ELP6: variants seen among roughly 807,000 people sequenced by gnomAD.
ELP6 encodes the protein elongator acetyltransferase complex subunit 6.
A neutral mutation model predicts 28.1 loss-of-function variants in ELP6; 23 were observed. The observed-to-expected ratio is 0.82, with a 90% CI of 0.59 to 1.16. ELP6 has a LOEUF of 1.16. ELP6 is among the 50% of genes most tolerant of loss of function. ELP6 has a pLI of 0.00. For synonymous variants in ELP6, 132 were observed against 135.8 expected (o/e 0.97, Z 0.19); for missense variants, 313 against 334.6 (o/e 0.94, Z 0.50).
intron 3 of ELP6, among the ~76,000 whole-genome samples, chr3:47,505,444 G>A (rs1331356012): frequency 2.0e-5 from 3 of 151,538 alleles, no homozygotes; most frequent in African/African-American, 7.3e-5. Flanking sequence ...TCACTCTATT[G>A]CCTAGGCTGG....
intron 1 of ELP6, chr3:47,512,978 T>C (rs1030880567): frequency 1.2e-5 from 12 of 980,286 alleles, no homozygotes; most frequent in African/African-American, 1.8e-5. Flanking sequence ...CTGTCGGCCA[T>C]GCTTCCCAGG....
At chr3:47,504,631 C>T in intron 3 of ELP6, 183 bp from the exon 4 acceptor site, 1 of 985,354 alleles carries the variant, frequency 1.0e-6, no homozygotes, top group Non-Finnish European at 1.2e-6. Context: ...CAACTGTTTT[C>T]AGATGTGTAT....
chr3:47,501,944 C>T, intron 4 of ELP6, 93 bp from the exon 5 acceptor site: 1 of 1,176,442 alleles, frequency 8.5e-7, no homozygotes, highest in Non-Finnish European at 1.2e-6. Context: ...CTAAGGGGGA[C>T]AAAGAACTGT....
At chr3:47,502,694 G>T in intron 4 of ELP6, 1 of 311,582 alleles carries the variant, frequency 3.2e-6, no homozygotes, top group Non-Finnish European at 4.7e-6. Flanking sequence ...TTTTAAATTA[G>T]CCAGGCATGG....
At chr3:47,513,017 G>C in intron 1 of ELP6, 1 of 979,076 alleles carries the variant, frequency 1.0e-6, no homozygotes, top group Non-Finnish European at 1.2e-6. Context: ...TTGAGGTGGA[G>C]TCCCGCTCTG....
In ELP6 at chr3:47,495,801, C is replaced by T; in HGVS notation, c.*268G>A. 2.4e-6 allele frequency: 1 copy of T among 418,040 alleles called. No individual in the cohort carries two copies. Among genetic ancestry groups the T allele is most frequent in the South Asian group, 2.7e-5 (1 of 37,318 alleles). 25.9% of individuals were successfully genotyped at this position (418,040 alleles called of 1,614,324 possible). A position where few individuals can be genotyped will look rare whatever the true frequency, so the allele number is the denominator to read the frequency against. The stretch of plus-strand genomic sequence containing the variant: ...CAGCTGGGGCTAAGGCATATTTAAA[C>T]AAAGGCTCCAAAGGACCCCTTTCAC... On this transcript the variant is annotated 3_prime_UTR_variant, in exon 7 of 7. Transcript: ENST00000296149.
chr3:47,500,102 C>G, intron 5 of ELP6: 1 of 1,202,328 alleles, frequency 8.3e-7, no homozygotes, highest in Non-Finnish European at 1.1e-6. Flanking sequence ...AAAGGAGGGA[C>G]TGGCATCTGC....
chr3:47,499,809 T>C, intron 5 of ELP6: 3 of 1,119,752 alleles, frequency 2.7e-6, no homozygotes, highest in Non-Finnish European at 3.3e-6. Context: ...CTGTCCCTGC[T>C]GGGCTGTGGC....
At chr3:47,509,421 A>AT (rs1708946957) in intron 3 of ELP6, among the ~76,000 whole-genome samples, 1 of 152,192 alleles carries the variant, frequency 6.6e-6, no homozygotes, top group Non-Finnish European at 1.5e-5. Context: ...CTAGGTCAAG[A>AT]AGTTCATCGG....
rs1300199149 is a variant in ELP6, at chr3:47,501,669, G to A, written c.506C>T (p.Thr169Ile). 6.2e-7 allele frequency: 1 copy of A among 1,613,980 alleles called. No homozygotes were observed. The highest frequency in any genetic ancestry group is 1.3e-5 in the African/African-American group (1 of 74,978). The change falls in exon 5 of 7, where the codon ACC becomes ATC. Residue 169 changes from threonine (T) to isoleucine (I), a missense_variant. Coordinates refer to ENST00000296149, the MANE Select transcript of ELP6 (RefSeq NM_001031703.3). ...GAGTACCTTTAGTTCCCAGCACACG[G>A]TGGCTCTGCAGTAGTGAATGAAGTC... The part of the protein sequence containing the change: ...VLDFIHYCRA[T>I]VCWELKGNMV...
Position 47,501,871 on chromosome 3 carries a change from G to C in ELP6, c.324-20C>G. On this transcript the variant is annotated intron_variant, in intron 4 of 6. Transcript: ENST00000296149. Reference sequence around the variant, plus strand: ...GCCTCCCTGGAGAGACAGGACAAAAGTTACCAGACTTCACTCTCTCTACAG... The same window carrying C: ...GCCTCCCTGGAGAGACAGGACAAAACTTACCAGACTTCACTCTCTCTACAG... The C allele has an allele frequency of 6.2e-7, 1 of 1,604,122 alleles. No homozygotes were observed. Among genetic ancestry groups the C allele is most frequent in the Non-Finnish European group, 8.5e-7 (1 of 1,174,938 alleles).
intron 6 of ELP6, chr3:47,496,656 G>A: frequency 1.5e-6 from 1 of 653,080 alleles, no homozygotes. Context: ...CACCATGCCT[G>A]GGCAATTTTT....
chr3:47,501,550 C>T (rs1708650375), intron 5 of ELP6, 100 bp downstream of exon 5: 4 of 1,293,842 alleles, frequency 3.1e-6, no homozygotes, highest in Admixed American at 2.0e-5. Flanking sequence ...AAGCCAAAAC[C>T]CCAAGCAAAT....
In ELP6 at chr3:47,509,545, G is replaced by A. The variant is rs752405291; in HGVS notation, c.204+639C>T. Among the ~76,000 whole-genome samples, 13 of 152,176 alleles carry A rather than the reference G, an allele frequency of 8.5e-5. 1 individual carries two copies. Among genetic ancestry groups the A allele is most frequent in the Non-Finnish European group, 1.8e-4 (12 of 68,032 alleles). On this transcript the variant is annotated intron_variant, in intron 3 of 6. Transcript: ENST00000296149. ...GCCCTAGACTTAGGGAAAGACAGTG[G>A]GAGGCATCCAACTTAGCAGCAGACC...
Position 47,513,558 on chromosome 3 carries a change from G to C in ELP6, c.33C>G (p.Thr11=). 6.2e-7 allele frequency: 1 copy of C among 1,612,952 alleles called. No individual in the cohort carries two copies. Among genetic ancestry groups the C allele is most frequent in the South Asian group, 1.1e-5 (1 of 90,902 alleles). MFVELNNLLN[T]TPDRAEQGKL... ...TTACCTGCTCCGCCCTGTCGGGGGT[G>C]GTGTTAAGCAGGTTATTAAGTTCCA... is the stretch of plus-strand genomic sequence containing the variant. Residue 11 remains threonine (T), a synonymous_variant, in exon 1 of 7, where the codon ACC becomes ACG. Transcript: ENST00000296149.
chr3:47,509,674 C>T (rs1409097068), intron 3 of ELP6, among the ~76,000 whole-genome samples: 1 of 152,182 alleles, frequency 6.6e-6, no homozygotes, highest in Non-Finnish European at 1.5e-5. Context: ...GATTAATTAA[C>T]ATCTACAAAC....
chr3:47,512,048 G>A, intron 1 of ELP6: 3 of 985,408 alleles, frequency 3.0e-6, no homozygotes, highest in Non-Finnish European at 3.6e-6. Context: ...CTGGCCCTAG[G>A]CTGACTTTGG....
chr3:47,506,232 C>T (rs1232264085), intron 3 of ELP6, among the ~76,000 whole-genome samples: 1 of 152,142 alleles, frequency 6.6e-6, no homozygotes, highest in East Asian at 1.9e-4. Flanking sequence ...TATCACAAGG[C>T]AAATGGAGGC....
intron 6 of ELP6, 85 bp downstream of exon 6, chr3:47,498,201 T>A (rs1220742324): frequency 1.3e-6 from 2 of 1,541,434 alleles, no homozygotes; most frequent in East Asian, 4.7e-5. Flanking sequence ...AACCAGACAG[T>A]CCCTCAGGCC....
Sources: allele counts gnomAD v4.1 joint callset (sites outside exome capture counted in the v4.1 genomes callset), GRCh38; gene constraint gnomAD v4.1.1; transcripts MANE v1.5; gene names NCBI Gene and HGNC (gene_info 2026-07-23, HGNC 2026-07-21).